The following POLE4 variants were observed in gnomAD, a reference collection of about 807,000 sequenced individuals.
The protein encoded by POLE4 is DNA polymerase epsilon subunit 4.
A neutral mutation model predicts 15.6 loss-of-function variants in POLE4; 15 were observed. That is an observed-to-expected ratio of 0.96 (90% confidence interval 0.64 to 1.48). The LOEUF (loss-of-function observed/expected upper bound fraction) is 1.48, where lower values mean the gene tolerates loss of function less well. POLE4 is among the 40% of genes most tolerant of loss of function. POLE4 has a pLI of 0.00. For missense variants in POLE4, 205 were observed against 151.9 expected (o/e 1.35, Z -1.84); for synonymous variants, 83 against 63.2 (o/e 1.31, Z -1.49).
At chr2:74,961,702 A>G (rs1034473195) in intron 3 of POLE4, among the ~76,000 whole-genome samples, 2 of 152,150 alleles carry the variant, frequency 1.3e-5, no homozygotes, top group African/African-American at 4.8e-5. Flanking sequence ...TTTTTAATAA[A>G]TGGCCATTTA....
intron 3 of POLE4, among the ~76,000 whole-genome samples, chr2:74,963,790 G>A (rs962780574): frequency 3.9e-5 from 6 of 152,134 alleles, no homozygotes; most frequent in African/African-American, 1.4e-4. Flanking sequence ...GCGCCCAGCC[G>A]TGCTTGTTAT....
chr2:74,963,556 T>A (rs1306701157), intron 3 of POLE4, among the ~76,000 whole-genome samples: 1 of 152,192 alleles, frequency 6.6e-6, no homozygotes, highest in Non-Finnish European at 1.5e-5. Flanking sequence ...CAGGCTGGAA[T>A]GCAGTGGCAT....
intron 3 of POLE4, among the ~76,000 whole-genome samples, chr2:74,967,523 T>C (rs1003502491): frequency 5.3e-5 from 8 of 152,186 alleles, no homozygotes; most frequent in African/African-American, 1.9e-4. Flanking sequence ...AGTTGTTTTA[T>C]AGTGAATGTT....
chr2:74,966,544 G>A (rs541098181), intron 3 of POLE4, among the ~76,000 whole-genome samples: 2 of 152,260 alleles, frequency 1.3e-5, no homozygotes, highest in South Asian at 4.1e-4. Context: ...TGGAATTACA[G>A]GCATGCACCA....
chr2:74,960,093 C>A lies in POLE4; in HGVS notation c.299-12C>A. On this transcript the variant is annotated splice_polypyrimidine_tract_variant and intron_variant, in intron 2 of 3. Transcript: ENST00000483063. ...TGAAGTTAGTCAGGTGTCTCTTTTC[C>A]TTGTGTTTCAGATAATGCAATAGAA... 6.2e-7 allele frequency: 1 copy of A among 1,613,200 alleles called. No individual in the cohort carries two copies. The highest frequency in any genetic ancestry group is 8.5e-7 in the Non-Finnish European group (1 of 1,179,294).
rs764613641 is a variant in POLE4, at chr2:74,966,341, TG to T, written c.341-3067del. Among the ~76,000 whole-genome samples, 4 of 152,334 alleles carry T rather than the reference TG, an allele frequency of 2.6e-5. No individual in the cohort carries two copies. The East Asian group carries it at 7.7e-4, about 29-fold the overall frequency. ...AATCTACATAAGGCATTTTTATTCC[TG>T]AATTATGCAGTCAATGATATATGGA... On this transcript the variant is annotated intron_variant, in intron 3 of 3. Transcript: ENST00000483063.
intron 3 of POLE4, among the ~76,000 whole-genome samples, chr2:74,964,721 T>C (rs1247224597): frequency 6.6e-6 from 1 of 152,194 alleles, no homozygotes; most frequent in East Asian, 1.9e-4. Flanking sequence ...GATGTAGTTC[T>C]TAATAATTTG....
Position 74,969,565 on chromosome 2 carries a change from G to C in POLE4, c.*143G>C, listed in dbSNP as rs1375932544. On this transcript the variant is annotated 3_prime_UTR_variant, in exon 4 of 4. Transcript: ENST00000483063. ...CTTCACCTATGCCGGGATAAGCAGAGATCTCATCAATTAGCTCTTCTCTGC... is the reference window on the plus strand; with the variant it reads ...CTTCACCTATGCCGGGATAAGCAGACATCTCATCAATTAGCTCTTCTCTGC... The C allele has an allele frequency of 1.3e-6, 1 of 789,554 alleles. No individual in the cohort carries two copies. The highest frequency in any genetic ancestry group is 2.4e-5 in the East Asian group (1 of 41,104). 48.9% of individuals were successfully genotyped at this position (789,554 alleles called of 1,614,324 possible). A position where few individuals can be genotyped will look rare whatever the true frequency, so the allele number is the denominator to read the frequency against.
At chr2:74,963,734 C>T (rs1671258328) in intron 3 of POLE4, among the ~76,000 whole-genome samples, 1 of 152,124 alleles carries the variant, frequency 6.6e-6, no homozygotes, top group African/African-American at 2.4e-5. Context: ...AAGTGATCTG[C>T]CTGCCTCCGC....
intron 3 of POLE4, among the ~76,000 whole-genome samples, chr2:74,966,264 G>A (rs563671984): frequency 1.6e-4 from 24 of 151,814 alleles, no homozygotes; most frequent in African/African-American, 4.1e-4. Context: ...CAAATTCCTC[G>A]TCTCCTAATT....
intron 3 of POLE4, chr2:74,960,635 AAG>A (rs748559749): frequency 2.1e-6 from 1 of 474,282 alleles, no homozygotes; most frequent in African/African-American, 2.0e-5. Context: ...GTCATTAAAA[AAG>A]AAAATATTTG....
chr2:74,967,808 C>T (rs1267293852), intron 3 of POLE4, among the ~76,000 whole-genome samples: 1 of 152,210 alleles, frequency 6.6e-6, no homozygotes, highest in South Asian at 2.1e-4. Flanking sequence ...ATTATCAGTG[C>T]AGGACTTCTG....
intron 3 of POLE4, among the ~76,000 whole-genome samples, chr2:74,960,781 C>T (rs1193060175): frequency 1.3e-5 from 2 of 152,220 alleles, no homozygotes; most frequent in Non-Finnish European, 2.9e-5. Flanking sequence ...ATGGACTGCT[C>T]ACATGAGGGT....
In POLE4 at chr2:74,969,844, C is replaced by T; in HGVS notation, c.*422C>T. On this transcript the variant is annotated 3_prime_UTR_variant, in exon 4 of 4. Transcript: ENST00000483063. Reference sequence around the variant, plus strand: ...CTGCCAGCCATTCTAACATACAGTCCTTTCATTAATTTTGTTCTTTTATTT... The same window carrying T: ...CTGCCAGCCATTCTAACATACAGTCTTTTCATTAATTTTGTTCTTTTATTT... 6.1e-6 allele frequency: 1 copy of T among 164,178 alleles called. No individual in the cohort carries two copies. The highest frequency in any genetic ancestry group is 1.6e-4 in the East Asian group (1 of 6,064). The allele number at this position is 164,178 out of a possible 1,614,324, so 10.2% of individuals were successfully genotyped here.
chr2:74,969,456 T>A lies in POLE4; in HGVS notation c.*34T>A. The A allele has an allele frequency of 1.2e-6, 2 of 1,609,086 alleles. No individual in the cohort carries two copies. The highest frequency in any genetic ancestry group is 2.2e-5 in the South Asian group (2 of 90,974). On this transcript the variant is annotated 3_prime_UTR_variant, in exon 4 of 4. Coordinates refer to ENST00000483063, the MANE Select transcript of POLE4 (RefSeq NM_019896.4). ...CGGGGCAGTTTTGTGAGCCTTCATC[T>A]GAAGCCTTCAGTTCACCCCTCTGCA...
At chr2:74,962,997 C>T (rs915822026) in intron 3 of POLE4, among the ~76,000 whole-genome samples, 4 of 152,252 alleles carry the variant, frequency 2.6e-5, no homozygotes, top group Middle Eastern at 3.4e-3. Flanking sequence ...CTCATTTGTT[C>T]GTGTTCCTTG....
At chr2:74,962,703 G>A (rs746522549) in intron 3 of POLE4, among the ~76,000 whole-genome samples, 2 of 152,198 alleles carry the variant, frequency 1.3e-5, no homozygotes, top group Non-Finnish European at 2.9e-5. Context: ...TTGGCCAAGA[G>A]ATAGGGTATT....
intron 3 of POLE4, among the ~76,000 whole-genome samples, chr2:74,968,701 G>A (rs1321905998): frequency 6.6e-6 from 1 of 151,270 alleles, no homozygotes; most frequent in Non-Finnish European, 1.5e-5. Context: ...GTTGTGGGGA[G>A]ATAGGGGCAA....
At chr2:74,966,049 G>GT (rs142235760) in intron 3 of POLE4, among the ~76,000 whole-genome samples, 7,676 of 143,356 alleles carry the variant, frequency 0.054, 285 homozygotes, top group African/African-American at 0.11. Flanking sequence ...TTTATGTTTT[G>GT]TTTTTTTTTT....
Sources: allele counts gnomAD v4.1 joint callset (sites outside exome capture counted in the v4.1 genomes callset), GRCh38; gene constraint gnomAD v4.1.1; transcripts MANE v1.5; gene names NCBI Gene and HGNC (gene_info 2026-07-23, HGNC 2026-07-21).